CSMD2: variants seen among roughly 807,000 people sequenced by gnomAD.
CSMD2 encodes the protein CUB and sushi domain-containing protein 2.
CSMD2 carries 130 observed loss-of-function variants against 398.5 expected under a neutral mutation model. That is an observed-to-expected ratio of 0.33 (90% CI 0.28 to 0.38). CSMD2 has a LOEUF of 0.38. Among genes scored for constraint, CSMD2 ranks in the 10% least tolerant of loss-of-function variants. CSMD2 has a pLI of 1.00. For missense variants in CSMD2, 3,829 were observed against 4,764.9 expected (o/e 0.80, Z 5.78); for synonymous variants, 1,828 against 1,908.5 (o/e 0.96, Z 1.10).
chr1:33,710,064 T>A (rs562897135), intron 21 of CSMD2, among the ~76,000 whole-genome samples: 2 of 152,320 alleles, frequency 1.3e-5, no homozygotes, highest in South Asian at 4.1e-4. Context: ...ATAGTAGTCA[T>A]CCCATTTTAC....
chr1:33,909,251 T>C (rs985317405), intron 5 of CSMD2, among the ~76,000 whole-genome samples: 1 of 151,836 alleles, frequency 6.6e-6, no homozygotes, highest in Non-Finnish European at 1.5e-5. Flanking sequence ...AATAGGACAT[T>C]GAGATGATAA....
At chr1:33,604,304 AAACT>A (rs1445732437) in intron 42 of CSMD2, among the ~76,000 whole-genome samples, 27 of 152,358 alleles carry the variant, frequency 1.8e-4, no homozygotes, top group Middle Eastern at 3.4e-3. Context: ...AAAATCTGAA[AAACT>A]AACTGAGGCT....
At chr1:33,978,456 A>G (rs1390512377) in intron 3 of CSMD2, among the ~76,000 whole-genome samples, 1 of 152,164 alleles carries the variant, frequency 6.6e-6, no homozygotes, top group Non-Finnish European at 1.5e-5. Flanking sequence ...CTCCAGGGCG[A>G]GAAAGATCAT....
intron 3 of CSMD2, among the ~76,000 whole-genome samples, chr1:33,976,378 G>A (rs759653319): frequency 3.3e-5 from 5 of 152,206 alleles, no homozygotes; most frequent in Non-Finnish European, 7.3e-5. Flanking sequence ...GGGATTCCCA[G>A]CCTAGGGTGT....
At position 33,533,953 on chromosome 1, in the gene CSMD2, G is replaced by T; in HGVS notation, c.9880-46C>A. ...CCATCAGCCCCTTCCTTTCAGCGGT[G>T]CTTCCTACGTCTGTCCCTTGACCAC... On this transcript the variant is annotated intron_variant, in intron 62 of 70. Coordinates refer to ENST00000373381, the MANE Select transcript of CSMD2 (RefSeq NM_001281956.2). This position sits in a 1 kb window ranked among gnomAD's most constrained non-coding sequence, Gnocchi z 4.2. The T allele has an allele frequency of 8.1e-7, 1 of 1,232,308 alleles. No individual in the cohort carries two copies. Among genetic ancestry groups the T allele is most frequent in the South Asian group, 1.2e-5 (1 of 81,410 alleles). 76.3% of individuals were successfully genotyped at this position (1,232,308 alleles called of 1,614,324 possible). A position where few individuals can be genotyped will look rare whatever the true frequency, so the allele number is the denominator to read the frequency against.
Position 33,571,543 on chromosome 1 carries a change from G to A in CSMD2, c.7946C>T (p.Pro2649Leu). The A allele has an allele frequency of 1.4e-6, 2 of 1,480,042 alleles. No individual in the cohort carries two copies. The highest frequency in any genetic ancestry group is 2.9e-5 in the South Asian group (2 of 68,106). 91.7% of individuals were successfully genotyped at this position (1,480,042 alleles called of 1,614,324 possible). The change falls in exon 51 of 71, where the codon CCC becomes CTC. Residue 2649 changes from proline (P) to leucine (L), a missense_variant. Physicochemically the swap from Pro to Leu is moderately conservative, Grantham distance 98. Around this residue, in one of 5 missense-constraint regions of CSMD2, gnomAD observed 723 missense variants for 758.6 expected, o/e 0.95. Coordinates refer to ENST00000373381, the MANE Select transcript of CSMD2 (RefSeq NM_001281956.2). ...CTTCCTGGGCTTACTTCGGCAGGTG[G>A]GCGTAGAGTCCCCGAGGCTCCATTT... ...NGKWSLGDST[P>L]TCRIISCGEL...
intron 37 of CSMD2, among the ~76,000 whole-genome samples, chr1:33,619,706 A>T (rs1641640622): frequency 6.6e-6 from 1 of 152,200 alleles, no homozygotes. Flanking sequence ...TTTCCCAGGC[A>T]ATTCCTGTCC....
At chr1:33,968,316 G>A (rs767196950) in intron 3 of CSMD2, among the ~76,000 whole-genome samples, 9 of 152,198 alleles carry the variant, frequency 5.9e-5, no homozygotes, top group Non-Finnish European at 1.2e-4. Flanking sequence ...CCAGGTGGCA[G>A]ATGGCCCCCA....
At chr1:33,772,981 G>A (rs976757711) in intron 12 of CSMD2, among the ~76,000 whole-genome samples, 1 of 152,240 alleles carries the variant, frequency 6.6e-6, no homozygotes, top group African/African-American at 2.4e-5. Flanking sequence ...TCAAGTGCCT[G>A]AGACTCTGTG....
At chr1:34,142,966 T>C (rs1259728897) in intron 1 of CSMD2, among the ~76,000 whole-genome samples, 1 of 152,142 alleles carries the variant, frequency 6.6e-6, no homozygotes, top group Non-Finnish European at 1.5e-5. Context: ...TGGAAACAGC[T>C]GTAAAAACAT....
intron 25 of CSMD2, among the ~76,000 whole-genome samples, chr1:33,666,866 T>C (rs1644333934): frequency 6.6e-6 from 1 of 152,098 alleles, no homozygotes; most frequent in African/African-American, 2.4e-5. Flanking sequence ...GGTGTGGCTG[T>C]ACGTGCTCTC....
At chr1:33,554,413 T>G (rs1657765783) in intron 55 of CSMD2, among the ~76,000 whole-genome samples, 1 of 152,074 alleles carries the variant, frequency 6.6e-6, no homozygotes, top group Non-Finnish European at 1.5e-5. Flanking sequence ...CAGGATGGTC[T>G]GAATCTCCTG....
intron 3 of CSMD2, among the ~76,000 whole-genome samples, chr1:33,940,750 C>A (rs774083741): frequency 1.3e-5 from 2 of 152,222 alleles, no homozygotes; most frequent in South Asian, 2.1e-4. Flanking sequence ...AGTTCCCTTA[C>A]TCCTTTCATC....
intron 27 of CSMD2, among the ~76,000 whole-genome samples, chr1:33,655,139 C>G (rs746950797): frequency 6.6e-6 from 1 of 152,208 alleles, no homozygotes; most frequent in Non-Finnish European, 1.5e-5. Context: ...GGAGTGGGTG[C>G]AAGCTGCAGA....
At chr1:33,966,274 C>A (rs1008858075) in intron 3 of CSMD2, among the ~76,000 whole-genome samples, 2 of 152,222 alleles carry the variant, frequency 1.3e-5, no homozygotes, top group Admixed American at 1.3e-4. Flanking sequence ...ATCTCACCTG[C>A]CCATCCCTAG....
intron 25 of CSMD2, among the ~76,000 whole-genome samples, chr1:33,691,688 C>T (rs1476300224): frequency 2.0e-5 from 3 of 152,168 alleles, no homozygotes; most frequent in Non-Finnish European, 4.4e-5. Context: ...GGTGTCTCCC[C>T]ATGAGCTCTC....
Position 33,602,580 on chromosome 1 carries a change from G to C in CSMD2, c.6533-34C>G, listed in dbSNP as rs374608102. 3.7e-5 allele frequency: 57 copies of C among 1,521,088 alleles called. No individual in the cohort carries two copies. In the East Asian group the frequency reaches 1.2e-3, roughly 32 times the overall value. 94.2% of individuals were successfully genotyped at this position (1,521,088 alleles called of 1,614,324 possible). A position where few individuals can be genotyped will look rare whatever the true frequency, so the allele number is the denominator to read the frequency against. On this transcript the variant is annotated intron_variant, in intron 42 of 70. Transcript: ENST00000373381. ...GAGGGAACACAAACGTAAGTGCAGG[G>C]CCTCGGTACCCACCTGAGAATTCAG...
chr1:33,633,332 GC>G lies in CSMD2; in HGVS notation c.5200+89del. On this transcript the variant is annotated intron_variant, in intron 32 of 70. Coordinates refer to ENST00000373381, the MANE Select transcript of CSMD2 (RefSeq NM_001281956.2). This position sits in a 1 kb window ranked among gnomAD's most constrained non-coding sequence, Gnocchi z 5.0. ...GCAGAGCCGTAGGGTTCCACCTGCG[GC>G]CATGGGGTGCTTCTAGAGCCTCCTT... The G allele has an allele frequency of 1.1e-6, 1 of 933,440 alleles. No individual in the cohort carries two copies. The highest frequency in any genetic ancestry group is 1.7e-6 in the Non-Finnish European group (1 of 590,520). 57.8% of individuals were successfully genotyped at this position (933,440 alleles called of 1,614,324 possible).
At chr1:33,764,901 A>C (rs535215125) in intron 13 of CSMD2, among the ~76,000 whole-genome samples, 97 of 152,164 alleles carry the variant, frequency 6.4e-4, no homozygotes, top group Non-Finnish European at 8.2e-4. Flanking sequence ...CATAGAGGGG[A>C]GGGAAAATAG....
Sources: gnomAD v4.1 joint callset for allele counts (sites outside exome capture counted in the v4.1 genomes callset) on GRCh38, gnomAD v4.1.1 for gene constraint, gnomAD v4.1.1 regional missense constraint, Gnocchi (gnomAD v3.1) non-coding constraint, MANE v1.5 for transcripts, NCBI Gene and HGNC (gene_info 2026-07-23, HGNC 2026-07-21) for gene names.